TASP1: variants seen among roughly 807,000 people sequenced by gnomAD.
TASP1 encodes the protein taspase 1.
Under a neutral mutation model 56.6 loss-of-function variants are expected in TASP1, and 16 were observed. The observed-to-expected ratio is 0.28, with a 90% CI of 0.19 to 0.43. The LOEUF is 0.43. TASP1 is among the 20% of genes least tolerant of loss of function. The pLI, the probability that TASP1 is intolerant of heterozygous loss-of-function variation, is 1.00. For synonymous variants in TASP1, 179 were observed against 184.2 expected (o/e 0.97, Z 0.23); for missense variants, 393 against 511.6 (o/e 0.77, Z 2.24).
the TASP1 span, among the ~76,000 whole-genome samples, chr20:13,211,635 A>G: frequency 6.6e-6 from 1 of 152,120 alleles, no homozygotes; most frequent in Non-Finnish European, 1.5e-5. Flanking sequence ...CTTTTCCTAG[A>G]TATTGTACAA....
chr20:13,561,141 T>C (rs1284296133), intron 7 of TASP1, among the ~76,000 whole-genome samples: 2 of 152,150 alleles, frequency 1.3e-5, no homozygotes, highest in Non-Finnish European at 2.9e-5. Flanking sequence ...CAAATTAAAA[T>C]ACTCTCAGGT....
chr20:13,638,734 GGCCCCCTCCTCTAGCCCC>G, intron 1 of TASP1, among the ~76,000 whole-genome samples, 142 bp downstream of exon 1: 1 of 152,238 alleles, frequency 6.6e-6, no homozygotes, highest in African/African-American at 2.4e-5. Context: ...GGGACATCCT[GGCCCCCTCCTCTAGCCCC>G]GCCCGGGGCA....
At chr20:13,588,451 A>T (rs535698229) in intron 4 of TASP1, among the ~76,000 whole-genome samples, 66 of 152,300 alleles carry the variant, frequency 4.3e-4, no homozygotes, top group African/African-American at 1.5e-3. Flanking sequence ...CTAAAAAAAA[A>T]TTAGAATTAA....
intron 13 of TASP1, among the ~76,000 whole-genome samples, chr20:13,414,330 A>T (rs1037719934): frequency 1.3e-5 from 2 of 152,192 alleles, no homozygotes; most frequent in African/African-American, 4.8e-5. Flanking sequence ...TCATAGCCAG[A>T]GGCACATATT....
rs755203301 is a variant in TASP1 at position 13,528,505 on chromosome 20, G to C, written c.802C>G (p.Leu268Val). 3 of 1,608,332 alleles carry C rather than the reference G, an allele frequency of 1.9e-6. No individual in the cohort carries two copies. The highest frequency in any genetic ancestry group is 3.4e-5 in the Admixed American group (2 of 59,648). Reference protein sequence around the residue: ...KHPGRVGQAALYGCGCWAENT... With the variant: ...KHPGRVGQAAVYGCGCWAENT... The stretch of plus-strand genomic sequence containing the variant: ...TCAGCCCAGCAGCCACATCCATAAA[G>C]AGCAGCCTGGGGAAAAAAGAAAATA... Residue 268 changes from leucine (L) to valine (V), a missense_variant, in exon 10 of 14, where the codon CTT (leucine) becomes GTT (valine). By Grantham distance (32) the Leu-to-Val change is conservative (BLOSUM62 1). Transcript: ENST00000337743.
intron 10 of TASP1, among the ~76,000 whole-genome samples, chr20:13,488,727 T>C (rs2043416071): frequency 6.6e-6 from 1 of 152,160 alleles, no homozygotes; most frequent in Admixed American, 6.6e-5. Flanking sequence ...CGTGAACTCC[T>C]CAGTCACATC....
chr20:13,222,807 T>C, the TASP1 span, among the ~76,000 whole-genome samples: 1 of 152,264 alleles, frequency 6.6e-6, no homozygotes, highest in South Asian at 2.1e-4. Flanking sequence ...ACTGTAAACT[T>C]GGAGCATAGG....
At chr20:13,253,081 T>C in the TASP1 span, among the ~76,000 whole-genome samples, 2 of 152,192 alleles carry the variant, frequency 1.3e-5, no homozygotes, top group African/African-American at 4.8e-5. Flanking sequence ...GAGAAATCAG[T>C]TGGAGGCCTG....
intron 4 of TASP1, among the ~76,000 whole-genome samples, chr20:13,621,512 T>G (rs1281360077): frequency 6.6e-6 from 1 of 152,144 alleles, no homozygotes; most frequent in Non-Finnish European, 1.5e-5. Flanking sequence ...AATTCTATGC[T>G]ACCATTATCC....
the TASP1 span, among the ~76,000 whole-genome samples, chr20:13,262,294 G>C: frequency 6.6e-6 from 1 of 152,202 alleles, no homozygotes; most frequent in Non-Finnish European, 1.5e-5. Context: ...GAGCTGGTTA[G>C]CTGCAGCCTG....
intron 2 of TASP1, among the ~76,000 whole-genome samples, chr20:13,627,621 C>T (rs886602677): frequency 2.6e-5 from 4 of 151,672 alleles, no homozygotes; most frequent in Non-Finnish European, 5.9e-5. Context: ...CATGGTGGCA[C>T]GTGCCTGTAA....
At position 13,623,624 on chromosome 20, in the gene TASP1, G is replaced by C. The variant is rs2048792269; in HGVS notation, c.214-110C>G. The C allele has an allele frequency of 4.8e-5, 37 of 772,088 alleles. 1 individual carries two copies. In the South Asian group the frequency reaches 6.5e-4, roughly 14 times the overall value. The allele number at this position is 772,088 out of a possible 1,614,324, so 47.8% of individuals were successfully genotyped here. A position where few individuals can be genotyped will look rare whatever the true frequency, so the allele number is the denominator to read the frequency against. On this transcript the variant is annotated intron_variant, in intron 3 of 13. Transcript: ENST00000337743. ...TTAGATTAATAAAAATTGACCACTA[G>C]TTCCATTCCATACTTTAAGACATAA...
At chr20:13,276,139 G>A in the TASP1 span, among the ~76,000 whole-genome samples, 1 of 152,040 alleles carries the variant, frequency 6.6e-6, no homozygotes, top group African/African-American at 2.4e-5. Context: ...GTTGGAGACA[G>A]GTCCTTCAAT....
the TASP1 span, among the ~76,000 whole-genome samples, chr20:13,247,630 T>C: frequency 1.3e-5 from 2 of 151,912 alleles, no homozygotes; most frequent in East Asian, 3.9e-4. Context: ...AAACCCACCA[T>C]CTAGGCCTCT....
chr20:13,348,646 G>A, the TASP1 span, among the ~76,000 whole-genome samples: 1 of 152,168 alleles, frequency 6.6e-6, no homozygotes, highest in Admixed American at 6.5e-5. Context: ...GCATGCCAGG[G>A]AGCATCTAGT....
the TASP1 span, among the ~76,000 whole-genome samples, chr20:13,382,169 TGGGTCATGGC>T: frequency 6.6e-6 from 1 of 152,050 alleles, no homozygotes; most frequent in Non-Finnish European, 1.5e-5. Flanking sequence ...GGGCAGGGAG[TGGGTCATGGC>T]CCAAATGCCA....
At chr20:13,271,811 G>A in the TASP1 span, among the ~76,000 whole-genome samples, 3 of 152,004 alleles carry the variant, frequency 2.0e-5, no homozygotes, top group Non-Finnish European at 4.4e-5. Context: ...GCCTCACTCA[G>A]TCACCCAGGT....
the TASP1 span, among the ~76,000 whole-genome samples, chr20:13,211,863 T>C: frequency 0.29 from 44,337 of 152,098 alleles, 6,807 homozygotes; most frequent in African/African-American, 0.34. Flanking sequence ...TATATGGTCA[T>C]ATTTTAAATG....
intron 8 of TASP1, among the ~76,000 whole-genome samples, chr20:13,557,583 T>G (rs1375199556): frequency 7.1e-6 from 1 of 140,290 alleles, no homozygotes; most frequent in African/African-American, 2.8e-5. Flanking sequence ...TTTTTTTTTT[T>G]TTTTTTTTTT....
Sources: gnomAD v4.1 joint callset for allele counts (sites outside exome capture counted in the v4.1 genomes callset) on GRCh38, gnomAD v4.1.1 for gene constraint, MANE v1.5 for transcripts, NCBI Gene and HGNC (gene_info 2026-07-23, HGNC 2026-07-21) for gene names.